Variants in ACVR1C observed in about 807,000 individuals in gnomAD.
ACVR1C encodes the protein activin receptor type-1C.
A neutral mutation model predicts 57.9 loss-of-function variants in ACVR1C; 23 were observed. That is an observed-to-expected ratio of 0.40 (90% CI 0.29 to 0.56). ACVR1C has a LOEUF of 0.56. Ranked by LOEUF, ACVR1C falls within the 20% of genes least tolerant of loss-of-function variation. The pLI, the probability that ACVR1C is intolerant of heterozygous loss-of-function variation, is 0.50. For synonymous variants in ACVR1C, 214 were observed against 215.3 expected (o/e 0.99, Z 0.05); for missense variants, 480 against 607.9 (o/e 0.79, Z 2.21).
At chr2:157,622,554 G>T (rs980082582) in intron 1 of ACVR1C, among the ~76,000 whole-genome samples, 1 of 152,122 alleles carries the variant, frequency 6.6e-6, no homozygotes, top group Non-Finnish European at 1.5e-5. Flanking sequence ...GGGAAAACTG[G>T]ATATCCATAT....
intron 8 of ACVR1C, among the ~76,000 whole-genome samples, chr2:157,534,311 C>A (rs1234293981): frequency 6.6e-6 from 1 of 151,922 alleles, no homozygotes; most frequent in African/African-American, 2.4e-5. Context: ...GCTGTACCTG[C>A]CATTGATGCT....
In ACVR1C at chr2:157,529,362, C is replaced by T. The variant is rs1226215276; in HGVS notation, c.*4556G>A. On this transcript the variant is annotated 3_prime_UTR_variant, in exon 9 of 9. Coordinates refer to ENST00000243349, the MANE Select transcript of ACVR1C (RefSeq NM_145259.3). The stretch of plus-strand genomic sequence containing the variant: ...GCCTAGTTTAGTTTTTCTCATTGAC[C>T]TCACTCTGAGTGAGTAAATTATTTT... The T allele has an allele frequency of 2.3e-4, 35 of 152,076 alleles. No individual in the cohort carries two copies. Among genetic ancestry groups the T allele is most frequent in the Admixed American group, 2.3e-3 (35 of 15,234 alleles). 9.4% of individuals were successfully genotyped at this position (152,076 alleles called of 1,614,324 possible).
intron 1 of ACVR1C, among the ~76,000 whole-genome samples, chr2:157,588,847 C>CTATATATATATATATATA (rs1688989221): frequency 1.1e-4 from 3 of 27,956 alleles, no homozygotes; most frequent in Admixed American, 9.6e-4. Flanking sequence ...CACAAACACA[C>CTATATATATATATATATA]CATATATATA....
intron 2 of ACVR1C, among the ~76,000 whole-genome samples, chr2:157,583,771 G>T (rs769339459): frequency 2.0e-5 from 3 of 150,958 alleles, no homozygotes; most frequent in Non-Finnish European, 4.5e-5. Flanking sequence ...GTAAAGAATA[G>T]ACTTTCAATA....
At position 157,532,002 on chromosome 2, in the gene ACVR1C, C is replaced by A. The variant is rs1213155574; in HGVS notation, c.*1916G>T. 1 of 152,076 alleles carries A rather than the reference C, an allele frequency of 6.6e-6. No individual in the cohort carries two copies. The highest frequency in any genetic ancestry group is 6.6e-5 in the Admixed American group (1 of 15,240). 9.4% of individuals were successfully genotyped at this position (152,076 alleles called of 1,614,324 possible). A position where few individuals can be genotyped will look rare whatever the true frequency, so the allele number is the denominator to read the frequency against. The stretch of plus-strand genomic sequence containing the variant: ...TTCCCTCTTGTACCCGATATTGTGG[C>A]AAGCAAGATATGGGTGCTCTATGAT... On this transcript the variant is annotated 3_prime_UTR_variant, in exon 9 of 9. Coordinates refer to ENST00000243349, the MANE Select transcript of ACVR1C (RefSeq NM_145259.3).
intron 1 of ACVR1C, among the ~76,000 whole-genome samples, chr2:157,617,548 A>C (rs1322629947): frequency 6.6e-6 from 1 of 152,058 alleles, no homozygotes; most frequent in Non-Finnish European, 1.5e-5. Flanking sequence ...GTTTATCTTT[A>C]ATATCTTGAA....
chr2:157,555,933 C>A (rs1286409173), intron 3 of ACVR1C, among the ~76,000 whole-genome samples, 160 bp downstream of exon 3: 1 of 152,170 alleles, frequency 6.6e-6, no homozygotes, highest in African/African-American at 2.4e-5. Flanking sequence ...GATGGTTTTT[C>A]TCTTCCTCAG....
chr2:157,552,999 C>A (rs1187455782), intron 3 of ACVR1C, among the ~76,000 whole-genome samples: 1 of 152,220 alleles, frequency 6.6e-6, no homozygotes, highest in Non-Finnish European at 1.5e-5. Context: ...TGGAAGCCAT[C>A]TGAGACACCA....
At chr2:157,554,276 G>GAAAGAAAGA (rs1688023288) in intron 3 of ACVR1C, among the ~76,000 whole-genome samples, 3 of 57,312 alleles carry the variant, frequency 5.2e-5, no homozygotes, top group African/African-American at 2.9e-4. Flanking sequence ...AGAAAGGAAG[G>GAAAGAAAGA]AAGGAAGAGA....
rs1352329115 is a variant in ACVR1C at position 157,529,293 on chromosome 2, T to G, written c.*4625A>C. ...TCCATTAATTTTATCAGCACCCCAG[T>G]GGTTGCCTACTTAGCTCAACAACCA... On this transcript the variant is annotated 3_prime_UTR_variant, in exon 9 of 9. Coordinates refer to ENST00000243349, the MANE Select transcript of ACVR1C (RefSeq NM_145259.3). The G allele has an allele frequency of 2.0e-5, 3 of 152,148 alleles. No individual in the cohort carries two copies. Among genetic ancestry groups the G allele is most frequent in the Non-Finnish European group, 4.4e-5 (3 of 68,016 alleles). 9.4% of individuals were successfully genotyped at this position (152,148 alleles called of 1,614,324 possible). A position where few individuals can be genotyped will look rare whatever the true frequency, so the allele number is the denominator to read the frequency against.
chr2:157,611,063 G>A (rs1046055443), intron 1 of ACVR1C, among the ~76,000 whole-genome samples: 2 of 152,102 alleles, frequency 1.3e-5, no homozygotes, highest in African/African-American at 2.4e-5. Flanking sequence ...AGAGAATTAC[G>A]TTCCCTTGAA....
chr2:157,534,081 C>A, intron 8 of ACVR1C, 38 bp from the exon 9 acceptor site: 1 of 1,474,158 alleles, frequency 6.8e-7, no homozygotes, highest in Non-Finnish European at 9.0e-7. Context: ...ACTTTAGCTA[C>A]TCTACATAAA....
chr2:157,583,644 C>G (rs1261767552), intron 2 of ACVR1C, among the ~76,000 whole-genome samples: 1 of 152,114 alleles, frequency 6.6e-6, no homozygotes, highest in South Asian at 2.1e-4. Flanking sequence ...ATAATCAAAA[C>G]AGTTTGACGA....
intron 2 of ACVR1C, among the ~76,000 whole-genome samples, chr2:157,575,137 T>A (rs1460069629): frequency 6.6e-6 from 1 of 151,736 alleles, no homozygotes; most frequent in Non-Finnish European, 1.5e-5. Context: ...AGTTCTTTTT[T>A]TTTTTTTTTT....
At chr2:157,589,218 G>A (rs1689005018) in intron 1 of ACVR1C, among the ~76,000 whole-genome samples, 1 of 151,588 alleles carries the variant, frequency 6.6e-6, no homozygotes, top group South Asian at 2.1e-4. Context: ...CTTTTTAATG[G>A]TGACTATTCT....
chr2:157,577,671 A>G (rs768141727), intron 2 of ACVR1C, among the ~76,000 whole-genome samples: 1 of 152,180 alleles, frequency 6.6e-6, no homozygotes, highest in African/African-American at 2.4e-5. Context: ...ACATATTTTA[A>G]ACATTTAATT....
Position 157,628,681 on chromosome 2 carries a change from A to G in ACVR1C, c.-37T>C, listed in dbSNP as rs1295316068. 3 of 1,510,842 alleles carry G rather than the reference A, an allele frequency of 2.0e-6. No individual in the cohort carries two copies. Among genetic ancestry groups the G allele is most frequent in the African/African-American group, 2.8e-5 (2 of 70,510 alleles). The allele number at this position is 1,510,842 out of a possible 1,614,324, so 93.6% of individuals were successfully genotyped here. A position where few individuals can be genotyped will look rare whatever the true frequency, so the allele number is the denominator to read the frequency against. ...GGCCGCGCCGGGGCTGCGAGGCCCC[A>G]GAGCAGAGCGAGGCAGCCGGGGCAG... On this transcript the variant is annotated 5_prime_UTR_variant, in exon 1 of 9. Transcript: ENST00000243349.
chr2:157,596,499 T>C (rs1281549869), intron 1 of ACVR1C, among the ~76,000 whole-genome samples: 6 of 152,202 alleles, frequency 3.9e-5, no homozygotes, highest in Non-Finnish European at 7.3e-5. Flanking sequence ...TAGATATGCA[T>C]AGTGATGTTC....
chr2:157,622,287 A>C lies in ACVR1C; in HGVS notation c.73+6285T>G, dbSNP rs536451149. 3.9e-5 allele frequency among the ~76,000 whole-genome samples: 6 copies of C among 152,348 alleles called. 1 individual carries two copies. Among genetic ancestry groups the C allele is most frequent in the African/African-American group, 1.4e-4 (6 of 41,590 alleles). On this transcript the variant is annotated intron_variant, in intron 1 of 8. Coordinates refer to ENST00000243349, the MANE Select transcript of ACVR1C (RefSeq NM_145259.3). Reference sequence around the variant, plus strand: ...AATCCTAAAATTTATATGGAACCACAAGAGACCCAGAATAGCCAAAGCTAT... The same window carrying C: ...AATCCTAAAATTTATATGGAACCACCAGAGACCCAGAATAGCCAAAGCTAT...
Sources: gnomAD v4.1 joint callset for allele counts (sites outside exome capture counted in the v4.1 genomes callset) on GRCh38, gnomAD v4.1.1 for gene constraint, MANE v1.5 for transcripts, NCBI Gene and HGNC (gene_info 2026-07-23, HGNC 2026-07-21) for gene names.